ZNF44: variants seen among roughly 807,000 people sequenced by gnomAD.
ZNF44 encodes the protein zinc finger protein 44.
Under a neutral mutation model 11.7 loss-of-function variants are expected in ZNF44, and 9 were observed. The observed-to-expected ratio is 0.77, with a 90% confidence interval of 0.46 to 1.35. The LOEUF is 1.35. Ranked by LOEUF, ZNF44 falls within the 40% of genes most tolerant of loss-of-function variation. The pLI is 0.00. For synonymous variants in ZNF44, 224 were observed against 242.7 expected (o/e 0.92, Z 0.72); for missense variants, 696 against 743.1 (o/e 0.94, Z 0.74).
At chr19:12,241,899 G>T (rs896849937), upstream of ZNF44, among the ~76,000 whole-genome samples, 4 of 152,156 alleles carry the variant, frequency 2.6e-5, no homozygotes, top group Admixed American at 6.6e-5. Context: ...CTAACATGTG[G>T]ATGAACCTTG....
rs367775746 is a variant in ZNF44 at position 12,273,097 on chromosome 19, T to C, written c.1158A>G (p.Ala386=). The C allele has an allele frequency of 1.3e-4, 214 of 1,613,808 alleles. No individual in the cohort carries two copies. The highest frequency in any genetic ancestry group is 1.2e-3 in the African/African-American group (92 of 74,900). ...ATTTATGAGGGCCATCTCCAGTGTG[T>C]GCCATCATGTGTCTTCGAAAGCTTG... is the stretch of plus-strand genomic sequence containing the variant. The part of the protein sequence containing the change: ...HRSSFRRHMM[A]HTGDGPHKCT... Residue 386 remains alanine (A), a synonymous_variant, in exon 4 of 4, where the codon GCA becomes GCG. Coordinates refer to ENST00000355684, the MANE Select transcript of ZNF44 (RefSeq NM_016264.4).
intron 7 of ZNF44, among the ~76,000 whole-genome samples, chr19:12,249,074 G>A (rs756994699): frequency 1.6e-4 from 25 of 151,808 alleles, no homozygotes; most frequent in Non-Finnish European, 3.4e-4. Context: ...CATTGCGCCC[G>A]GCTACTTTTT....
Position 12,290,625 on chromosome 19 carries a change from G to T in ZNF44, c.3+4067C>A, listed in dbSNP as rs139451771. ...TGAGGCAGGAGAATCGCTTGAACCC[G>T]GAAGGCAGAGGTTGCAGTGAGCTGA... is the stretch of plus-strand genomic sequence containing the variant. On this transcript the variant is annotated intron_variant, in intron 1 of 3. Coordinates refer to ENST00000355684, the MANE Select transcript of ZNF44 (RefSeq NM_016264.4). Among the ~76,000 whole-genome samples the T allele has an allele frequency of 4.1e-3, 623 of 151,748 alleles. 4 individuals are homozygous for T. The highest frequency in any genetic ancestry group is 0.014 in the Middle Eastern group (4 of 292).
At chr19:12,229,607 G>GAAGA (rs1465208388) in intron 3 of ZNF44, among the ~76,000 whole-genome samples, 1 of 146,878 alleles carries the variant, frequency 6.8e-6, no homozygotes. Context: ...TTTTCATTAG[G>GAAGA]AAGAAAGATA....
rs368912997 is a variant in ZNF44, at chr19:12,272,778, G to C, written c.1477C>G (p.Arg493Gly). The C allele has an allele frequency of 6.2e-7, 1 of 1,613,324 alleles. No homozygotes were observed. Among genetic ancestry groups the C allele is most frequent in the South Asian group, 1.1e-5 (1 of 91,024 alleles). Residue 493 changes from arginine (R) to glycine (G), a missense_variant, in exon 4 of 4, where the codon CGC becomes GGC. Coordinates refer to ENST00000355684, the MANE Select transcript of ZNF44 (RefSeq NM_016264.4). ...KAFSSFKYFC[R>G]HERTHSEEKS... ...TCTTCACTGTGAGTCCTTTCATGGC[G>C]ACAAAAGTATTTAAAAGAACTAAAT...
At chr19:12,258,140 A>G (rs973556855) in intron 5 of ZNF44, among the ~76,000 whole-genome samples, 2 of 139,726 alleles carry the variant, frequency 1.4e-5, no homozygotes, top group East Asian at 4.1e-4. Flanking sequence ...CCTGGACAAC[A>G]TAGTGAGATC....
At chr19:12,239,869 A>G (rs2090456859), upstream of ZNF44, among the ~76,000 whole-genome samples, 1 of 151,716 alleles carries the variant, frequency 6.6e-6, no homozygotes, top group Non-Finnish European at 1.5e-5. Context: ...TACCGTGCCC[A>G]GCCCCAAGTT....
intron 1 of ZNF44, among the ~76,000 whole-genome samples, chr19:12,276,382 G>C (rs1021428972): frequency 6.6e-6 from 1 of 152,198 alleles, no homozygotes; most frequent in Non-Finnish European, 1.5e-5. Context: ...TGTAGTCCTT[G>C]TCATGACAAA....
chr19:12,278,863 G>A (rs2145739638), intron 1 of ZNF44, among the ~76,000 whole-genome samples: 1 of 152,292 alleles, frequency 6.6e-6, no homozygotes, highest in South Asian at 2.1e-4. Flanking sequence ...CGCAGGCACA[G>A]GAAACAATAT....
downstream of ZNF44, among the ~76,000 whole-genome samples, chr19:12,268,149 C>CACACACACAG (rs1917804369): frequency 2.3e-5 from 2 of 85,946 alleles, 1 homozygote; most frequent in African/African-American, 6.6e-5. Flanking sequence ...CACACAGACA[C>CACACACACAG]ACACACACAC....
chr19:12,250,007 C>T (rs1403825805), exon 7 of ZNF44: 9 of 1,286,534 alleles, frequency 7.0e-6, no homozygotes, highest in Non-Finnish European at 9.1e-6. Flanking sequence ...TTTTGTACTG[C>T]TCTTCAATGT....
intron 3 of ZNF44, among the ~76,000 whole-genome samples, chr19:12,227,488 C>G (rs1915968483): frequency 6.6e-6 from 1 of 152,148 alleles, no homozygotes; most frequent in Admixed American, 6.5e-5. Context: ...TGTATGTAAT[C>G]CCAGCTACTC....
chr19:12,239,545 C>T (rs553055572), upstream of ZNF44, among the ~76,000 whole-genome samples: 8 of 148,738 alleles, frequency 5.4e-5, no homozygotes, highest in East Asian at 9.9e-4. Context: ...TGTGAGCCAC[C>T]GAGCAAGCCC....
At chr19:12,266,394 G>T (rs1450717004) in intron 5 of ZNF44, 2 of 958,078 alleles carry the variant, frequency 2.1e-6, no homozygotes, top group South Asian at 4.8e-5. Flanking sequence ...AGCCGAGAGC[G>T]ACCCGAGGGC....
Position 12,260,152 on chromosome 19 carries a change from C to A in ZNF44, c.1913-9784G>T. ...TGTCCGCGCATCTGCAATGGATGGTCGTGCAGAACTGCTCCAGTTTCTGAT... is the reference window on the plus strand; with the variant it reads ...TGTCCGCGCATCTGCAATGGATGGTAGTGCAGAACTGCTCCAGTTTCTGAT... On this transcript the variant is annotated intron_variant and NMD_transcript_variant, in intron 5 of 7. Coordinates refer to the ZNF44 transcript ENST00000393337. 6 of 753,302 alleles carry A rather than the reference C, an allele frequency of 8.0e-6. No homozygotes were observed. In the South Asian group the frequency reaches 8.2e-5, roughly 10 times the overall value. The allele number at this position is 753,302 out of a possible 1,614,324, so 46.7% of individuals were successfully genotyped here. A position where few individuals can be genotyped will look rare whatever the true frequency, so the allele number is the denominator to read the frequency against.
rs1253195840 is a variant in ZNF44 at position 12,272,914 on chromosome 19, T to G, written c.1341A>C (p.Gln447His). 3 of 1,613,816 alleles carry G rather than the reference T, an allele frequency of 1.9e-6. No individual in the cohort carries two copies. Among genetic ancestry groups the G allele is most frequent in the Non-Finnish European group, 2.5e-6 (3 of 1,179,988 alleles). ...CTTTTCCACATTTACATTTATAGGG[T>G]TGCTCTCCAGTGTGTGTTGTTTCAT... ...RKHETTHTGE[Q>H]PYKCKCGKAF... The change falls in exon 4 of 4, where the codon CAA becomes CAC. Residue 447 changes from glutamine to histidine, a missense_variant. Transcript: ENST00000355684.
At chr19:12,228,607 C>G (rs1372099305) in intron 3 of ZNF44, among the ~76,000 whole-genome samples, 1 of 152,166 alleles carries the variant, frequency 6.6e-6, no homozygotes, top group Non-Finnish European at 1.5e-5. Flanking sequence ...CCTCAACTTT[C>G]TGACTTGTTG....
intron 5 of ZNF44, chr19:12,260,362 C>G: frequency 8.5e-7 from 1 of 1,171,504 alleles, no homozygotes. Flanking sequence ...TACGCGCGGA[C>G]CACCATCAAC....
At chr19:12,248,635 G>A (rs911346717) in exon 8 of ZNF44, 16 of 1,310,478 alleles carry the variant, frequency 1.2e-5, no homozygotes, top group Admixed American at 6.5e-5. Context: ...TCTCCGCCAT[G>A]ACTACCTTCT....
Sources: gnomAD v4.1 joint callset for allele counts (sites outside exome capture counted in the v4.1 genomes callset) on GRCh38, gnomAD v4.1.1 for gene constraint, MANE v1.5 for transcripts, NCBI Gene and HGNC (gene_info 2026-07-23, HGNC 2026-07-21) for gene names.